Variants in PDE3B observed in about 807,000 individuals in gnomAD.
PDE3B encodes cGMP-inhibited 3',5'-cyclic phosphodiesterase 3B.
A neutral mutation model predicts 116.8 loss-of-function variants in PDE3B; 66 were observed. The observed-to-expected ratio is 0.56, with a 90% CI of 0.46 to 0.69. PDE3B has a LOEUF of 0.69. Among genes scored for constraint, PDE3B ranks in the 30% least tolerant of loss-of-function variants. PDE3B has a pLI of 0.00. For synonymous variants in PDE3B, 595 were observed against 533.6 expected (o/e 1.12, Z -1.59); for missense variants, 1,384 against 1,368.1 (o/e 1.01, Z -0.18).
Position 14,803,983 on chromosome 11 carries a change from A to C in PDE3B, c.1455A>C (p.Leu485=). Residue 485 remains leucine (L), a synonymous_variant, in exon 5 of 16, where the codon CTA becomes CTC. Transcript: ENST00000282096. ...TAAATGGGCCTTTTAATTCAAATCT[A>C]CTGACTATCCCGAAGCAAAGGTCAT... ...CYLNGPFNSN[L]LTIPKQRSSS... The C allele has an allele frequency of 2.5e-6, 4 of 1,611,058 alleles. No homozygotes were observed. Among genetic ancestry groups the C allele is most frequent in the Non-Finnish European group, 3.4e-6 (4 of 1,177,250 alleles).
At chr11:14,721,407 A>T (rs995990705) in intron 1 of PDE3B, among the ~76,000 whole-genome samples, 1 of 151,042 alleles carries the variant, frequency 6.6e-6, no homozygotes, top group Non-Finnish European at 1.5e-5. Flanking sequence ...CATTTGACCC[A>T]GCCATCCCAT....
chr11:14,699,782 G>A (rs1855311230), intron 1 of PDE3B, among the ~76,000 whole-genome samples: 2 of 151,750 alleles, frequency 1.3e-5, no homozygotes, highest in South Asian at 4.2e-4. Flanking sequence ...CATTTTTAAA[G>A]CAGAAGGTGT....
At chr11:14,847,855 C>T (rs1847646059) in intron 12 of PDE3B, among the ~76,000 whole-genome samples, 1 of 152,050 alleles carries the variant, frequency 6.6e-6, no homozygotes, top group Admixed American at 6.5e-5. Flanking sequence ...AATAGCTTAC[C>T]AACCAAAAAG....
intron 7 of PDE3B, among the ~76,000 whole-genome samples, chr11:14,821,446 G>C (rs1379155288): frequency 6.6e-6 from 1 of 152,114 alleles, no homozygotes; most frequent in Non-Finnish European, 1.5e-5. Context: ...AGAAAGAAAT[G>C]CTTCATTTAC....
chr11:14,756,121 G>A lies in PDE3B; in HGVS notation c.979-15816G>A, dbSNP rs566293390. 4.6e-5 allele frequency among the ~76,000 whole-genome samples: 7 copies of A among 152,226 alleles called. No individual in the cohort carries two copies. In the South Asian group the frequency reaches 1.5e-3, roughly 32 times the overall value. On this transcript the variant is annotated intron_variant, in intron 1 of 15. Coordinates refer to ENST00000282096, the MANE Select transcript of PDE3B (RefSeq NM_000922.4). ...TTGGTATAACTGAAAATGGAACTGA[G>A]ATATTCTCATTTTCCATCTAGTGTT...
intron 12 of PDE3B, among the ~76,000 whole-genome samples, chr11:14,853,300 A>C (rs1456452693): frequency 6.6e-6 from 1 of 152,186 alleles, no homozygotes; most frequent in East Asian, 1.9e-4. Flanking sequence ...TCTCAATGGA[A>C]TATAAAGTTC....
intron 1 of PDE3B, among the ~76,000 whole-genome samples, chr11:14,710,161 C>A (rs1373955445): frequency 1.3e-5 from 2 of 152,170 alleles, no homozygotes; most frequent in Non-Finnish European, 2.9e-5. Context: ...TCTTTCTGAA[C>A]TTTAGTTTCC....
At chr11:14,804,616 C>G (rs144877554) in intron 5 of PDE3B, among the ~76,000 whole-genome samples, 3 of 151,808 alleles carry the variant, frequency 2.0e-5, no homozygotes, top group African/African-American at 7.2e-5. Flanking sequence ...TTGGGATATA[C>G]AATTACAAAA....
intron 1 of PDE3B, among the ~76,000 whole-genome samples, chr11:14,713,426 AAG>A (rs1040595792): frequency 2.0e-5 from 3 of 152,148 alleles, no homozygotes; most frequent in African/African-American, 7.2e-5. Context: ...TCCCACATAT[AAG>A]AGAGAATTCT....
rs560592098 is a variant in PDE3B at position 14,822,692 on chromosome 11, G to T, written c.1807+3483G>T. ...TGCTCAGGCACATGTGGAGCCCCAG[G>T]AGCTATAGATACTTGGGTTTCTAGG... On this transcript the variant is annotated intron_variant, in intron 7 of 15. Coordinates refer to ENST00000282096, the MANE Select transcript of PDE3B (RefSeq NM_000922.4). Among the ~76,000 whole-genome samples the T allele has an allele frequency of 6.6e-5, 10 of 152,336 alleles. No individual in the cohort carries two copies. The South Asian group carries it at 2.1e-3, about 32-fold the overall frequency.
intron 1 of PDE3B, among the ~76,000 whole-genome samples, chr11:14,767,897 A>G (rs1435315291): frequency 6.6e-6 from 1 of 151,154 alleles, no homozygotes; most frequent in Admixed American, 6.6e-5. Flanking sequence ...AAAATATCAT[A>G]TATATATTTT....
At chr11:14,706,347 A>G (rs1321559803) in intron 1 of PDE3B, among the ~76,000 whole-genome samples, 2 of 151,950 alleles carry the variant, frequency 1.3e-5, no homozygotes, top group Non-Finnish European at 2.9e-5. Context: ...TCTTTTAAAA[A>G]AAGTTACATT....
chr11:14,666,278 T>C (rs11023300), intron 1 of PDE3B, among the ~76,000 whole-genome samples: 13,355 of 143,060 alleles, frequency 0.093, 638 homozygotes, highest in African/African-American at 0.17. Flanking sequence ...ATACAAAAAT[T>C]AATTCAAGAT....
At chr11:14,731,369 C>T (rs917622966) in intron 1 of PDE3B, among the ~76,000 whole-genome samples, 3 of 151,598 alleles carry the variant, frequency 2.0e-5, no homozygotes, top group African/African-American at 7.3e-5. Context: ...CGCCATTCTC[C>T]TGCCTCAGCC....
At chr11:14,698,923 G>T (rs763971884) in intron 1 of PDE3B, 2 of 151,938 alleles carry the variant, frequency 1.3e-5, no homozygotes, top group Non-Finnish European at 2.9e-5. Context: ...GAGTGACCAG[G>T]TGATCATATG....
At chr11:14,757,412 C>T (rs1209200271) in intron 1 of PDE3B, among the ~76,000 whole-genome samples, 1 of 148,048 alleles carries the variant, frequency 6.8e-6, no homozygotes, top group Non-Finnish European at 1.5e-5. Context: ...AGTTTACAGT[C>T]CCACCAACAG....
chr11:14,705,911 T>G (rs1442707994), intron 1 of PDE3B, among the ~76,000 whole-genome samples: 2 of 151,834 alleles, frequency 1.3e-5, no homozygotes, highest in Non-Finnish European at 3.0e-5. Flanking sequence ...TATATAGAAA[T>G]AAGGTAAAAA....
intron 1 of PDE3B, among the ~76,000 whole-genome samples, chr11:14,652,433 CT>C (rs1853596146): frequency 6.6e-6 from 1 of 151,958 alleles, no homozygotes; most frequent in African/African-American, 2.4e-5. Context: ...AAACTTTGTT[CT>C]TTTTCAAGAT....
In PDE3B at chr11:14,644,641, C is replaced by T. The variant is rs1467485245; in HGVS notation, c.566C>T (p.Pro189Leu). ...GCAGGGTCCGCGGCCCCGCACACGC[C>T]CCCGGAGGCGGCAGCGGGCAGGTTG... ...GDAGSAAPHT[P>L]PEAAAGRLLL... Residue 189 changes from proline to leucine, a missense_variant, in exon 1 of 16, where the codon CCC becomes CTC. Physicochemically the swap from Pro to Leu is moderately conservative, Grantham distance 98. This residue lies in a region of PDE3B where 956 missense variants were observed against 806.8 expected (regional missense o/e 1.18). Coordinates refer to ENST00000282096, the MANE Select transcript of PDE3B (RefSeq NM_000922.4). 3 of 1,506,356 alleles carry T rather than the reference C, an allele frequency of 2.0e-6. No individual in the cohort carries two copies. In the African/African-American group the frequency reaches 4.2e-5, roughly 21 times the overall value. 93.3% of individuals were successfully genotyped at this position (1,506,356 alleles called of 1,614,324 possible). A position where few individuals can be genotyped will look rare whatever the true frequency, so the allele number is the denominator to read the frequency against.
Sources: allele counts gnomAD v4.1 joint callset (sites outside exome capture counted in the v4.1 genomes callset), GRCh38; gene constraint gnomAD v4.1.1; regional missense constraint gnomAD v4.1.1; transcripts MANE v1.5; gene names NCBI Gene and HGNC (gene_info 2026-07-23, HGNC 2026-07-21).